The following TOP6BL variants were observed in gnomAD, a reference collection of about 807,000 sequenced individuals.
TOP6BL encodes TOP6B like initiator of meiotic double strand breaks.
At chr11:66,799,878 A>C in the TOP6BL span, among the ~76,000 whole-genome samples, 1 of 151,944 alleles carries the variant, frequency 6.6e-6, no homozygotes. Flanking sequence ...TTGGGAGTTC[A>C]AGACCAGCCT....
the TOP6BL span, among the ~76,000 whole-genome samples, chr11:66,749,061 TG>T: frequency 4.6e-5 from 7 of 151,672 alleles, no homozygotes; most frequent in Admixed American, 3.9e-4. Flanking sequence ...TGTGTGTGTG[TG>T]TGGTGTGTGT....
chr11:66,796,668 A>T, the TOP6BL span, among the ~76,000 whole-genome samples: 2 of 151,786 alleles, frequency 1.3e-5, no homozygotes, highest in African/African-American at 4.8e-5. Context: ...CTGTAATCCC[A>T]GTTCCTCAGG....
the TOP6BL span, among the ~76,000 whole-genome samples, chr11:66,783,645 T>G: frequency 0.081 from 12,258 of 152,170 alleles, 582 homozygotes; most frequent in East Asian, 0.14. Flanking sequence ...TGCTTGACGT[T>G]TGGTAAAACT....
At chr11:66,758,302 C>CTTTTTTTTTTCTTTTTT in the TOP6BL span, 4 of 67,318 alleles carry the variant, frequency 5.9e-5, no homozygotes, top group African/African-American at 2.8e-4. Flanking sequence ...TTTTCTTTTT[C>CTTTTTTTTTTCTTTTTT]TTTTTTTTTT....
the TOP6BL span, chr11:66,744,863 G>A: frequency 7.6e-7 from 1 of 1,311,652 alleles, no homozygotes; most frequent in East Asian, 3.1e-5. Flanking sequence ...CCCTTCGACT[G>A]GGCGTTGCCG....
At chr11:66,808,514 G>C in the TOP6BL span, among the ~76,000 whole-genome samples, 1 of 150,108 alleles carries the variant, frequency 6.7e-6, no homozygotes. Flanking sequence ...GGTGACGTGA[G>C]ACCAGTTTCA....
chr11:66,806,284 A>G, the TOP6BL span, among the ~76,000 whole-genome samples: 1 of 152,212 alleles, frequency 6.6e-6, no homozygotes, highest in Admixed American at 6.5e-5. Context: ...GATGATACTT[A>G]TCTCATAGGT....
the TOP6BL span, among the ~76,000 whole-genome samples, chr11:66,830,649 C>G: frequency 2.0e-5 from 3 of 152,026 alleles, no homozygotes; most frequent in Non-Finnish European, 2.9e-5. Context: ...TTTAGCCAGA[C>G]TAATCAGAAT....
the TOP6BL span, among the ~76,000 whole-genome samples, chr11:66,787,397 A>G: frequency 1.3e-5 from 2 of 151,870 alleles, no homozygotes; most frequent in Non-Finnish European, 2.9e-5. Flanking sequence ...GTGTAATATC[A>G]ACATTGTCAA....
the TOP6BL span, chr11:66,796,110 C>CT: frequency 1.8e-6 from 1 of 570,316 alleles, no homozygotes; most frequent in Non-Finnish European, 3.2e-6. Context: ...GAAGTGATGG[C>CT]TATTTAGATT....
At chr11:66,837,378 C>T in the TOP6BL span, among the ~76,000 whole-genome samples, 3 of 151,966 alleles carry the variant, frequency 2.0e-5, no homozygotes, top group South Asian at 4.1e-4. Context: ...CCGCCTGCCT[C>T]GGCCTCCCAA....
the TOP6BL span, among the ~76,000 whole-genome samples, chr11:66,812,156 A>G: frequency 2.2e-4 from 33 of 150,452 alleles, no homozygotes; most frequent in African/African-American, 8.1e-4. Context: ...TGGCTCCTCA[A>G]ACACTCCCCT....
the TOP6BL span, among the ~76,000 whole-genome samples, chr11:66,821,038 G>A: frequency 2.6e-5 from 4 of 152,062 alleles, no homozygotes; most frequent in Admixed American, 2.6e-4. Flanking sequence ...AGTTATCCTC[G>A]CTCATGGTTA....
chr11:66,780,115 A>T, the TOP6BL span, among the ~76,000 whole-genome samples: 1 of 152,174 alleles, frequency 6.6e-6, no homozygotes, highest in Non-Finnish European at 1.5e-5. Context: ...CATATGTAAC[A>T]AACCTGCACG....
chr11:66,766,740 C>T, the TOP6BL span, among the ~76,000 whole-genome samples: 1 of 152,214 alleles, frequency 6.6e-6, no homozygotes, highest in Non-Finnish European at 1.5e-5. Context: ...GCTGATGAGA[C>T]TTATTTTTCC....
the TOP6BL span, among the ~76,000 whole-genome samples, chr11:66,791,252 A>T: frequency 6.6e-6 from 1 of 152,062 alleles, no homozygotes; most frequent in African/African-American, 2.4e-5. Context: ...CATTTAGGAG[A>T]GATATTGGGT....
chr11:66,813,237 G>A, the TOP6BL span, among the ~76,000 whole-genome samples: 2 of 152,070 alleles, frequency 1.3e-5, no homozygotes, highest in Admixed American at 6.6e-5. Flanking sequence ...ATTTGTCTTT[G>A]TACCCCAAGA....
chr11:66,758,697 C>T, the TOP6BL span, among the ~76,000 whole-genome samples: 1 of 152,140 alleles, frequency 6.6e-6, no homozygotes, highest in Admixed American at 6.5e-5. Context: ...GAGTTATTGA[C>T]ACGATATATT....
chr11:66,762,852 A>T, the TOP6BL span, among the ~76,000 whole-genome samples: 1 of 152,180 alleles, frequency 6.6e-6, no homozygotes, highest in Admixed American at 6.5e-5. Flanking sequence ...TAAAGACACA[A>T]ATATATAGGA....
Sources: gnomAD v4.1 joint callset for allele counts (sites outside exome capture counted in the v4.1 genomes callset) on GRCh38, gnomAD v4.1.1 for gene constraint, MANE v1.5 for transcripts, NCBI Gene and HGNC (gene_info 2026-07-23, HGNC 2026-07-21) for gene names.